SNX18: variants seen among roughly 807,000 people sequenced by gnomAD.
The protein encoded by SNX18 is sorting nexin 18.
A neutral mutation model predicts 48.7 loss-of-function variants in SNX18; 35 were observed. The ratio of observed to expected loss-of-function variants is 0.72; its 90% CI spans 0.55 to 0.95. SNX18 has a LOEUF of 0.95. Ranked by LOEUF, SNX18 falls within the 40% of genes least tolerant of loss-of-function variation. The probability of loss-of-function intolerance (pLI) is 0.00; values close to 1 mark genes in which losing one functional copy is unlikely to be tolerated. For synonymous variants in SNX18, 492 were observed against 384.7 expected (o/e 1.28, Z -3.26); for missense variants, 824 against 871.0 (o/e 0.95, Z 0.68).
the SNX18 span, among the ~76,000 whole-genome samples, chr5:54,624,314 G>A: frequency 6.6e-6 from 1 of 152,116 alleles, no homozygotes; most frequent in Non-Finnish European, 1.5e-5. Context: ...TTTCATCATG[G>A]GCAGTTAGCA....
chr5:54,560,437 C>T, the SNX18 span, among the ~76,000 whole-genome samples: 1 of 152,168 alleles, frequency 6.6e-6, no homozygotes, highest in African/African-American at 2.4e-5. Flanking sequence ...AACATACAGA[C>T]ACATAGAGGA....
chr5:54,630,296 G>A, the SNX18 span, among the ~76,000 whole-genome samples: 4 of 152,290 alleles, frequency 2.6e-5, no homozygotes, highest in African/African-American at 9.6e-5. Flanking sequence ...TTTGGGTTTG[G>A]GAGAGAAATG....
the SNX18 span, among the ~76,000 whole-genome samples, chr5:54,557,213 G>T: frequency 1.3e-5 from 2 of 152,070 alleles, no homozygotes; most frequent in African/African-American, 2.4e-5. Flanking sequence ...TGCATGTCAG[G>T]CACCACCTGA....
At chr5:54,633,984 C>T in the SNX18 span, among the ~76,000 whole-genome samples, 1 of 152,200 alleles carries the variant, frequency 6.6e-6, no homozygotes, top group Non-Finnish European at 1.5e-5. Flanking sequence ...ACTTGGAATC[C>T]TTTCTGCTTT....
At chr5:54,570,121 A>G in the SNX18 span, among the ~76,000 whole-genome samples, 20 of 152,216 alleles carry the variant, frequency 1.3e-4, no homozygotes, top group Admixed American at 6.5e-5. Flanking sequence ...CCCTAATCTA[A>G]TGACTGGTGT....
chr5:54,636,489 C>G, the SNX18 span, among the ~76,000 whole-genome samples: 1 of 152,084 alleles, frequency 6.6e-6, no homozygotes, highest in Non-Finnish European at 1.5e-5. Flanking sequence ...CTTCTGTTCT[C>G]TTTTAATAGC....
the SNX18 span, chr5:54,645,766 A>C: frequency 1.3e-5 from 2 of 152,212 alleles, no homozygotes; most frequent in Non-Finnish European, 1.5e-5. Context: ...AGGCAAACCC[A>C]TATGAGTGTT....
chr5:54,591,855 C>T, the SNX18 span, among the ~76,000 whole-genome samples: 6 of 152,190 alleles, frequency 3.9e-5, no homozygotes, highest in Non-Finnish European at 8.8e-5. Context: ...CACCCTGACC[C>T]CCAATGAGCT....
At chr5:54,634,520 A>AT in the SNX18 span, among the ~76,000 whole-genome samples, 2 of 151,924 alleles carry the variant, frequency 1.3e-5, no homozygotes, top group South Asian at 4.2e-4. Flanking sequence ...ACATTACGAA[A>AT]TTTTTTTGCG....
the SNX18 span, among the ~76,000 whole-genome samples, chr5:54,564,901 A>G: frequency 2.6e-4 from 40 of 152,204 alleles, no homozygotes; most frequent in African/African-American, 7.7e-4. Context: ...ACAAAAAAAG[A>G]TGTTGTTGGT....
intron 1 of SNX18, among the ~76,000 whole-genome samples, chr5:54,523,747 G>A (rs1201913571): frequency 1.3e-5 from 2 of 152,192 alleles, no homozygotes; most frequent in African/African-American, 4.8e-5. Context: ...GTCTTGCTGG[G>A]TAGAATTTCA....
chr5:54,626,825 C>A, the SNX18 span, among the ~76,000 whole-genome samples: 1 of 152,198 alleles, frequency 6.6e-6, no homozygotes, highest in African/African-American at 2.4e-5. Flanking sequence ...AGATAGCAAA[C>A]TACAGTGGGA....
At chr5:54,524,401 A>C (rs1037796920) in intron 1 of SNX18, among the ~76,000 whole-genome samples, 3 of 152,172 alleles carry the variant, frequency 2.0e-5, no homozygotes, top group African/African-American at 7.2e-5. Flanking sequence ...CCCTCCTCCC[A>C]GTAACTCAGG....
At chr5:54,634,606 A>G in the SNX18 span, among the ~76,000 whole-genome samples, 15 of 152,186 alleles carry the variant, frequency 9.9e-5, no homozygotes, top group East Asian at 5.8e-4. Context: ...TCTTCTCCCA[A>G]TGTGGCTCAG....
chr5:54,584,811 G>C, the SNX18 span, among the ~76,000 whole-genome samples: 1 of 152,158 alleles, frequency 6.6e-6, no homozygotes, highest in Non-Finnish European at 1.5e-5. Context: ...GGCTGGTCTT[G>C]GAAGAAGACC....
the SNX18 span, among the ~76,000 whole-genome samples, chr5:54,607,507 A>G: frequency 2.0e-5 from 3 of 152,228 alleles, no homozygotes; most frequent in African/African-American, 7.2e-5. Context: ...TGGCTACAAT[A>G]ACATAATTCT....
chr5:54,546,500 T>C lies in SNX18; in HGVS notation c.*3068T>C, dbSNP rs1762579502. On this transcript the variant is annotated 3_prime_UTR_variant, in exon 2 of 2. Coordinates refer to ENST00000381410, the MANE Select transcript of SNX18 (RefSeq NM_001102575.2). ...ATTTGTAGTCTAGAAATGTTGAATA[T>C]TGTTTTATTTCCTTCAAAATGTTAT... The C allele has an allele frequency of 6.6e-6, 1 of 152,256 alleles. No individual in the cohort carries two copies. The highest frequency in any genetic ancestry group is 6.5e-5 in the Admixed American group (1 of 15,290). The allele number at this position is 152,256 out of a possible 1,614,324, so 9.4% of individuals were successfully genotyped here. A position where few individuals can be genotyped will look rare whatever the true frequency, so the allele number is the denominator to read the frequency against.
chr5:54,557,707 T>C, the SNX18 span, among the ~76,000 whole-genome samples: 1 of 152,220 alleles, frequency 6.6e-6, no homozygotes, highest in Non-Finnish European at 1.5e-5. Context: ...ACAACATGAA[T>C]GTACTTAATA....
chr5:54,548,908 C>T (rs762740724), downstream of SNX18, among the ~76,000 whole-genome samples: 3 of 152,202 alleles, frequency 2.0e-5, no homozygotes, highest in Non-Finnish European at 4.4e-5. Flanking sequence ...CATAGAATGG[C>T]ATAATATTTT....
Sources: allele counts gnomAD v4.1 joint callset (sites outside exome capture counted in the v4.1 genomes callset), GRCh38; gene constraint gnomAD v4.1.1; transcripts MANE v1.5; gene names NCBI Gene and HGNC (gene_info 2026-07-23, HGNC 2026-07-21).